The following CCDC171 variants were observed in gnomAD, a reference collection of about 807,000 sequenced individuals.
The protein encoded by CCDC171 is coiled-coil domain-containing protein 171.
A neutral mutation model predicts 168.2 loss-of-function variants in CCDC171; 177 were observed. The observed-to-expected ratio is 1.05, with a 90% CI of 0.93 to 1.19. The LOEUF is 1.19. Ranked by LOEUF, CCDC171 falls within the 50% of genes most tolerant of loss-of-function variation. CCDC171 has a pLI of 0.00. For missense variants in CCDC171, 1,991 were observed against 1,539.0 expected (o/e 1.29, Z -4.91); for synonymous variants, 687 against 540.8 (o/e 1.27, Z -3.75).
chr9:15,759,424 G>A (rs2056324976), intron 18 of CCDC171, among the ~76,000 whole-genome samples: 1 of 152,032 alleles, frequency 6.6e-6, no homozygotes. Context: ...GTCAACATCA[G>A]GAAATCAACA....
At chr9:15,701,285 C>A (rs2051714114) in intron 11 of CCDC171, among the ~76,000 whole-genome samples, 1 of 152,032 alleles carries the variant, frequency 6.6e-6, no homozygotes, top group Admixed American at 6.6e-5. Flanking sequence ...GTTGCCTGTG[C>A]TTTTGAGGTT....
chr9:15,902,260 A>G (rs1197104192), intron 24 of CCDC171, among the ~76,000 whole-genome samples: 9 of 143,250 alleles, frequency 6.3e-5, no homozygotes, highest in African/African-American at 1.8e-4. Context: ...ATATATATAT[A>G]TGTATATATA....
chr9:15,621,822 G>T (rs953407969), intron 6 of CCDC171, among the ~76,000 whole-genome samples: 1 of 152,134 alleles, frequency 6.6e-6, no homozygotes, highest in Admixed American at 6.5e-5. Flanking sequence ...ACAAAGACAC[G>T]TGGCATGCAT....
intron 5 of CCDC171, among the ~76,000 whole-genome samples, chr9:15,592,771 C>T (rs1027607568): frequency 1.3e-5 from 2 of 152,056 alleles, no homozygotes; most frequent in Non-Finnish European, 2.9e-5. Context: ...TTCAGCCAGT[C>T]AGCTTGCACC....
intron 10 of CCDC171, among the ~76,000 whole-genome samples, chr9:15,680,890 C>A (rs1029595135): frequency 1.3e-5 from 2 of 152,112 alleles, no homozygotes; most frequent in Non-Finnish European, 2.9e-5. Context: ...ACTAAAAATG[C>A]AAGAGTTAAG....
chr9:15,718,147 G>A (rs1005633753), intron 11 of CCDC171, among the ~76,000 whole-genome samples: 4 of 152,192 alleles, frequency 2.6e-5, no homozygotes, highest in Admixed American at 1.3e-4. Flanking sequence ...TTCACCACAA[G>A]CTGACTGAAG....
intron 11 of CCDC171, among the ~76,000 whole-genome samples, chr9:15,717,597 G>A (rs1174355985): frequency 6.6e-6 from 1 of 152,212 alleles, no homozygotes; most frequent in Non-Finnish European, 1.5e-5. Flanking sequence ...CTTAAGAGGT[G>A]AGGGAAGAGT....
chr9:15,710,624 G>A (rs929743731), intron 11 of CCDC171, among the ~76,000 whole-genome samples: 5 of 151,508 alleles, frequency 3.3e-5, no homozygotes, highest in Non-Finnish European at 7.4e-5. Flanking sequence ...TTGAGATGGA[G>A]TCTCACTCTT....
At chr9:16,050,417 T>C (rs994679711) in intron 1 of CCDC171, among the ~76,000 whole-genome samples, 3 of 151,702 alleles carry the variant, frequency 2.0e-5, no homozygotes, top group African/African-American at 7.2e-5. Context: ...ACAAATACAA[T>C]ACTCATTGTA....
chr9:16,025,733 G>A (rs1233217279), intron 6 of CCDC171, among the ~76,000 whole-genome samples: 2 of 152,148 alleles, frequency 1.3e-5, no homozygotes, highest in East Asian at 3.9e-4. Context: ...GAAATGTCCA[G>A]AAGTGGGAAA....
At chr9:15,884,410 G>A (rs1588987141) in intron 24 of CCDC171, among the ~76,000 whole-genome samples, 1 of 152,036 alleles carries the variant, frequency 6.6e-6, no homozygotes, top group African/African-American at 2.4e-5. Flanking sequence ...TCAATTTCAG[G>A]TTAATATTTT....
At chr9:15,727,808 G>C (rs2053904516) in intron 14 of CCDC171, 61 bp from the exon 15 acceptor site, 1 of 1,313,200 alleles carries the variant, frequency 7.6e-7, no homozygotes, top group East Asian at 2.4e-5. Context: ...TTAGTATTAT[G>C]TATTTTACTT....
intron 24 of CCDC171, among the ~76,000 whole-genome samples, chr9:15,901,299 T>C (rs530105548): frequency 6.6e-6 from 1 of 152,122 alleles, no homozygotes; most frequent in Non-Finnish European, 1.5e-5. Context: ...GTAAAACCCA[T>C]AGAATGTCCA....
chr9:15,915,595 A>T (rs75328464), intron 24 of CCDC171, among the ~76,000 whole-genome samples: 1,741 of 152,212 alleles, frequency 0.011, 34 homozygotes, highest in African/African-American at 0.039. Context: ...GCCAATTATG[A>T]TACCTGTTAT....
chr9:16,011,717 G>A (rs1832874132), intron 3 of CCDC171, among the ~76,000 whole-genome samples: 1 of 152,136 alleles, frequency 6.6e-6, no homozygotes, highest in Admixed American at 6.5e-5. Flanking sequence ...CTGGTTTAGG[G>A]CAGGATAAAA....
chr9:15,863,867 C>T (rs990920963), intron 23 of CCDC171, among the ~76,000 whole-genome samples: 3 of 146,034 alleles, frequency 2.1e-5, no homozygotes, highest in Non-Finnish European at 4.6e-5. Context: ...TTCTCCCCAT[C>T]TCCAGGGTTG....
At chr9:16,005,126 T>A (rs1255785444) in intron 3 of CCDC171, among the ~76,000 whole-genome samples, 1 of 152,222 alleles carries the variant, frequency 6.6e-6, no homozygotes, top group Non-Finnish European at 1.5e-5. Flanking sequence ...AGAACTTTCT[T>A]ATCAACCCGA....
intron 6 of CCDC171, among the ~76,000 whole-genome samples, chr9:15,612,508 T>A (rs978418244): frequency 6.6e-6 from 1 of 152,222 alleles, no homozygotes; most frequent in Non-Finnish European, 1.5e-5. Flanking sequence ...TTTTAACTTA[T>A]GATCTTCTGA....
At chr9:15,842,236 T>C (rs2060709767) in intron 21 of CCDC171, among the ~76,000 whole-genome samples, 2 of 151,926 alleles carry the variant, frequency 1.3e-5, no homozygotes, top group African/African-American at 2.4e-5. Flanking sequence ...CAAAAGAAAA[T>C]CTATAAAAGC....
Sources: allele counts gnomAD v4.1 joint callset (sites outside exome capture counted in the v4.1 genomes callset), GRCh38; gene constraint gnomAD v4.1.1; transcripts MANE v1.5; gene names NCBI Gene and HGNC (gene_info 2026-07-23, HGNC 2026-07-21).